EHD4: variants seen among roughly 807,000 people sequenced by gnomAD.
The protein encoded by EHD4 is EH domain-containing protein 4.
In EHD4, 37 loss-of-function variants were observed where a neutral mutation model predicts 51.0. That is an observed-to-expected ratio of 0.73 (90% CI 0.56 to 0.95). EHD4 has a LOEUF of 0.95. Ranked by LOEUF, EHD4 falls within the 40% of genes least tolerant of loss-of-function variation. The pLI, the probability that EHD4 is intolerant of heterozygous loss-of-function variation, is 0.00. For synonymous variants in EHD4, 297 were observed against 317.3 expected (o/e 0.94, Z 0.68); for missense variants, 632 against 733.1 (o/e 0.86, Z 1.59).
At chr15:41,946,991 A>G (rs1185056801) in intron 2 of EHD4, among the ~76,000 whole-genome samples, 1 of 152,226 alleles carries the variant, frequency 6.6e-6, no homozygotes, top group Non-Finnish European at 1.5e-5. Flanking sequence ...TTCCATGCAC[A>G]TTAACTCCAG....
At chr15:41,956,306 C>T (rs907775556) in intron 1 of EHD4, among the ~76,000 whole-genome samples, 18 of 150,390 alleles carry the variant, frequency 1.2e-4, no homozygotes, top group Admixed American at 2.0e-4. Flanking sequence ...GGCACCTTCA[C>T]CAAGCCTGGC....
intron 3 of EHD4, chr15:41,928,622 C>A (rs2067678350): frequency 2.0e-5 from 3 of 152,080 alleles, no homozygotes; most frequent in Admixed American, 2.0e-4. Context: ...ATTATTGGCC[C>A]ACTTGCATTA....
chr15:41,923,891 G>A (rs1365366502), intron 3 of EHD4, among the ~76,000 whole-genome samples: 1 of 152,214 alleles, frequency 6.6e-6, no homozygotes, highest in Non-Finnish European at 1.5e-5. Context: ...GCTGGGCTAT[G>A]GCCCTGGTGA....
At chr15:41,964,473 C>A (rs970431857) in intron 1 of EHD4, among the ~76,000 whole-genome samples, 14 of 150,246 alleles carry the variant, frequency 9.3e-5, no homozygotes, top group African/African-American at 2.7e-4. Flanking sequence ...TGTGGTGGTG[C>A]AATGTACCTG....
intron 3 of EHD4, among the ~76,000 whole-genome samples, chr15:41,938,545 G>C (rs763676076): frequency 1.3e-5 from 2 of 152,106 alleles, no homozygotes; most frequent in Non-Finnish European, 1.5e-5. Context: ...GAATAGGCTG[G>C]GATTAAGAGG....
intron 1 of EHD4, among the ~76,000 whole-genome samples, 200 bp downstream of exon 1, chr15:41,972,059 C>T (rs2073409855): frequency 6.6e-6 from 1 of 152,014 alleles, no homozygotes. Context: ...TCGGAGTGCG[C>T]AGGGCGCGGG....
intron 2 of EHD4, among the ~76,000 whole-genome samples, chr15:41,944,387 G>A (rs2067797330): frequency 6.6e-6 from 1 of 152,186 alleles, no homozygotes; most frequent in South Asian, 2.1e-4. Context: ...TACTATGGAT[G>A]GCTGACATCT....
intron 1 of EHD4, among the ~76,000 whole-genome samples, chr15:41,964,070 G>A (rs2067945194): frequency 6.7e-6 from 1 of 149,142 alleles, no homozygotes; most frequent in South Asian, 2.1e-4. Context: ...GCGTGAACCT[G>A]GGAGGCAGAG....
At chr15:41,919,114 T>C in intron 4 of EHD4, 96 bp downstream of exon 4, 1 of 1,518,508 alleles carries the variant, frequency 6.6e-7, no homozygotes, top group Non-Finnish European at 9.0e-7. Flanking sequence ...TCCTTAAGCC[T>C]TCTGGAACGA....
intron 2 of EHD4, among the ~76,000 whole-genome samples, chr15:41,948,894 T>A (rs2067832969): frequency 6.6e-6 from 1 of 150,728 alleles, no homozygotes; most frequent in African/African-American, 2.4e-5. Context: ...CTGGGCATGG[T>A]GACACACGCC....
chr15:41,945,782 G>A (rs1036346828), intron 2 of EHD4, among the ~76,000 whole-genome samples: 60 of 152,214 alleles, frequency 3.9e-4, no homozygotes, highest in Admixed American at 1.2e-3. Flanking sequence ...AAAGGGAGGC[G>A]CACGGCAAAC....
intron 2 of EHD4, among the ~76,000 whole-genome samples, chr15:41,953,217 C>CT (rs2067864697): frequency 6.6e-6 from 1 of 152,064 alleles, no homozygotes; most frequent in Non-Finnish European, 1.5e-5. Context: ...GCTAAGCTCT[C>CT]TGACTGCAGA....
intron 1 of EHD4, among the ~76,000 whole-genome samples, chr15:41,961,043 T>C (rs943195563): frequency 1.3e-5 from 2 of 152,240 alleles, no homozygotes; most frequent in Admixed American, 1.3e-4. Context: ...TGACATGTTA[T>C]CACCAGGACT....
chr15:41,919,341 G>A lies in EHD4; in HGVS notation c.793C>T (p.Leu265=), dbSNP rs2067607683. The change falls in exon 4 of 6, where the codon CTG becomes TTG. Residue 265 remains leucine (L), a synonymous_variant. Transcript: ENST00000220325. ...VYIGSFWAQP[L]QNTDNRRLFE... ...AGCCGGCGGTTGTCCGTGTTCTGCA[G>A]GGGCTGCGCCCAGAAGGAGCCAATG... 1 of 1,614,244 alleles carries A rather than the reference G, an allele frequency of 6.2e-7. No homozygotes were observed. Among genetic ancestry groups the A allele is most frequent in the Non-Finnish European group, 8.5e-7 (1 of 1,180,042 alleles).
At chr15:41,941,331 T>A (rs1439577988) in intron 3 of EHD4, among the ~76,000 whole-genome samples, 1 of 152,220 alleles carries the variant, frequency 6.6e-6, no homozygotes. Flanking sequence ...CAAGGTAGAC[T>A]GTTATGAAGA....
intron 1 of EHD4, among the ~76,000 whole-genome samples, chr15:41,963,261 C>G (rs1057274287): frequency 6.6e-6 from 1 of 151,350 alleles, no homozygotes; most frequent in Admixed American, 6.6e-5. Flanking sequence ...CAAATCCCCC[C>G]CTCGGAGAAA....
chr15:41,933,221 C>T (rs570614536), intron 3 of EHD4, among the ~76,000 whole-genome samples: 2 of 152,324 alleles, frequency 1.3e-5, no homozygotes, highest in African/African-American at 4.8e-5. Context: ...TCCCCAACCA[C>T]AGGCTTGTTT....
chr15:41,938,124 C>T (rs1377037402), intron 3 of EHD4, among the ~76,000 whole-genome samples: 2 of 152,110 alleles, frequency 1.3e-5, no homozygotes, highest in Non-Finnish European at 2.9e-5. Context: ...GTAGAATTTT[C>T]CACTTGTGGC....
chr15:41,905,122 T>G (rs971126056), intron 5 of EHD4, among the ~76,000 whole-genome samples: 1 of 152,236 alleles, frequency 6.6e-6, no homozygotes, highest in African/African-American at 2.4e-5. Context: ...CAGAGGATGT[T>G]AGACTTTAAC....
Sources: gnomAD v4.1 joint callset for allele counts (sites outside exome capture counted in the v4.1 genomes callset) on GRCh38, gnomAD v4.1.1 for gene constraint, MANE v1.5 for transcripts, NCBI Gene and HGNC (gene_info 2026-07-23, HGNC 2026-07-21) for gene names.